DLGAP3: variants seen among roughly 807,000 people sequenced by gnomAD.
DLGAP3 encodes the protein disks large-associated protein 3.
In DLGAP3, 17 loss-of-function variants were observed where a neutral mutation model predicts 81.2. That is an observed-to-expected ratio of 0.21 (90% CI 0.14 to 0.31). The LOEUF is 0.31. Ranked by LOEUF, DLGAP3 falls within the 10% of genes least tolerant of loss-of-function variation. The pLI, the probability that DLGAP3 is intolerant of heterozygous loss-of-function variation, is 1.00. For synonymous variants in DLGAP3, 577 were observed against 587.4 expected, an observed-to-expected ratio of 0.98 and a Z score of 0.26; for missense variants, 1,124 against 1,388.0, an observed-to-expected ratio of 0.81 and a Z score of 3.02.
rs1639225268 is a variant in DLGAP3, at chr1:34,886,199, G to A, written c.1473C>T (p.Asp491=). 1 of 1,611,178 alleles carries A rather than the reference G, an allele frequency of 6.2e-7. No homozygotes were observed. The highest frequency in any genetic ancestry group is 1.3e-5 in the African/African-American group (1 of 74,910). Reference sequence around the variant, plus strand: ...TCCGCATGCGGAAACAGCCGGGCAGGTCCAGGGCGTCCACGGCCTGGGACT... The same window carrying A: ...TCCGCATGCGGAAACAGCCGGGCAGATCCAGGGCGTCCACGGCCTGGGACT... ...ELESQAVDAL[D]LPGCFRMRSH... The change falls in exon 6 of 12, where the codon GAC becomes GAT. Residue 491 remains aspartate, a synonymous_variant. Coordinates refer to ENST00000373347, the MANE Select transcript of DLGAP3 (RefSeq NM_001080418.3).
intron 5 of DLGAP3, among the ~76,000 whole-genome samples, chr1:34,892,957 G>A (rs1391074587): frequency 6.6e-6 from 1 of 151,844 alleles, no homozygotes; most frequent in Non-Finnish European, 1.5e-5. Flanking sequence ...TGGATCATGA[G>A]GTCAGGAGAT....
intron 1 of DLGAP3, among the ~76,000 whole-genome samples, chr1:34,911,022 A>ACCCCCCCCCCCCCCCCCCCCCCCC (rs58074971): frequency 7.6e-6 from 1 of 131,950 alleles, no homozygotes; most frequent in Non-Finnish European, 1.6e-5. Flanking sequence ...GATATTATCC[A>ACCCCCCCCCCCCCCCCCCCCCCCC]CCCCCCCCCC....
At chr1:34,881,200 A>G (rs568863502) in intron 8 of DLGAP3, among the ~76,000 whole-genome samples, 90 of 152,322 alleles carry the variant, frequency 5.9e-4, no homozygotes, top group Non-Finnish European at 1.0e-3. Flanking sequence ...AAAATCTAAT[A>G]CTGTATATAA....
chr1:34,868,697 A>G lies in DLGAP3; in HGVS notation c.2393T>C (p.Phe798Ser). The change falls in exon 9 of 12, where the codon TTC becomes TCC. Residue 798 changes from phenylalanine (F) to serine (S), a missense_variant. Physicochemically the swap from Phe to Ser is radical, Grantham distance 155. Transcript: ENST00000373347. The surrounding 1 kb of genome is among the most constrained non-coding windows in gnomAD (Gnocchi z 7.5). ...CACCTCTGCCCGCAGCATCTTGATG[A>G]ACCACTCGCCGTCGCGTGGGCAGGG... ...ASPCPRDGEW[F>S]IKMLRAEVEK... 6.2e-7 allele frequency: 1 copy of G among 1,611,926 alleles called. No individual in the cohort carries two copies. Among genetic ancestry groups the G allele is most frequent in the Non-Finnish European group, 8.5e-7 (1 of 1,179,996 alleles).
rs1018445241 is a variant in DLGAP3 at position 34,900,657 on chromosome 1, A to C, written c.1108-384T>G. ...ATCCTTTCAACCTGCTTACATTCCA[A>C]ATCCTCTCTCCTTCCCCGCTGTGGG... On this transcript the variant is annotated intron_variant, in intron 3 of 11. Coordinates refer to ENST00000373347, the MANE Select transcript of DLGAP3 (RefSeq NM_001080418.3). This position sits in a 1 kb window ranked among gnomAD's most constrained non-coding sequence, Gnocchi z 5.6. Among the ~76,000 whole-genome samples, 1 of 152,036 alleles carries C rather than the reference A, an allele frequency of 6.6e-6. No homozygotes were observed. The highest frequency in any genetic ancestry group is 2.1e-4 in the South Asian group (1 of 4,814).
Position 34,886,148 on chromosome 1 carries a change from C to A in DLGAP3, c.1524G>T (p.Gln508His). ...MRSHSYLRAI[Q>H]AGCSQDDDCL... ...AGTCGTCGTCTTGAGAGCAGCCGGCCTGGATGGCCCGGAGGTAGCTGTGGC... is the reference window on the plus strand; with the variant it reads ...AGTCGTCGTCTTGAGAGCAGCCGGCATGGATGGCCCGGAGGTAGCTGTGGC... Residue 508 changes from glutamine (Q) to histidine (H), a missense_variant, in exon 6 of 12, where the codon CAG becomes CAT. Around this residue, in one of 9 missense-constraint regions of DLGAP3, gnomAD observed 11 missense variants for 35.2 expected, o/e 0.31. Coordinates refer to ENST00000373347, the MANE Select transcript of DLGAP3 (RefSeq NM_001080418.3). 1.9e-6 allele frequency: 3 copies of A among 1,609,436 alleles called. No homozygotes were observed. Among genetic ancestry groups the A allele is most frequent in the Non-Finnish European group, 1.7e-6 (2 of 1,178,712 alleles).
Position 34,866,278 on chromosome 1 carries a change from C to G in DLGAP3, c.2745G>C (p.Pro915=), listed in dbSNP as rs759540010. 6.5e-7 allele frequency: 1 copy of G among 1,537,772 alleles called. No homozygotes were observed. The highest frequency in any genetic ancestry group is 8.8e-7 in the Non-Finnish European group (1 of 1,142,168). Residue 915 remains proline, a synonymous_variant, in exon 12 of 12, where the codon CCG becomes CCC. Transcript: ENST00000373347. ...EPKEEKKVPP[P]IPKKPLRGRG... ...GGCCCCGCAGGGGCTTCTTTGGTAT[C>G]GGCGGAGGGACCTTCTTCTCCTCCT...
At chr1:34,922,676 T>C (rs888248232) in intron 1 of DLGAP3, among the ~76,000 whole-genome samples, 1 of 152,182 alleles carries the variant, frequency 6.6e-6, no homozygotes, top group African/African-American at 2.4e-5. Context: ...ATACACAGCA[T>C]ACTCACATAT....
Position 34,865,726 on chromosome 1 carries a change from AG to A in DLGAP3, c.*356del, listed in dbSNP as rs957217470. ...GAAGCCCAGCCCCGCGGGGTGGGGG[AG>A]GGGGGGACGCAGAGCCCAGATGAGG... On this transcript the variant is annotated 3_prime_UTR_variant, in exon 12 of 12. Transcript: ENST00000373347. 25 of 312,062 alleles carry A rather than the reference AG, an allele frequency of 8.0e-5. No homozygotes were observed. The highest frequency in any genetic ancestry group is 1.0e-3 in the Middle Eastern group (1 of 984). The allele number at this position is 312,062 out of a possible 1,614,324, so 19.3% of individuals were successfully genotyped here.
intron 5 of DLGAP3, among the ~76,000 whole-genome samples, chr1:34,890,229 T>A (rs12145134): frequency 0.17 from 25,306 of 152,116 alleles, 2,336 homozygotes; most frequent in Middle Eastern, 0.25. Flanking sequence ...AAAATTAGCA[T>A]AAAATAGTTC....
intron 1 of DLGAP3, among the ~76,000 whole-genome samples, chr1:34,915,898 C>T (rs1639710231): frequency 6.6e-6 from 1 of 152,214 alleles, no homozygotes; most frequent in African/African-American, 2.4e-5. Context: ...GTACTCTCTT[C>T]CAAGAGGCCT....
intron 1 of DLGAP3, among the ~76,000 whole-genome samples, chr1:34,922,726 C>T (rs1257667233): frequency 2.0e-5 from 3 of 152,210 alleles, no homozygotes; most frequent in African/African-American, 7.2e-5. Flanking sequence ...CACTCACAGG[C>T]AGAAATACGC....
chr1:34,887,016 G>A (rs1445706470), intron 5 of DLGAP3, among the ~76,000 whole-genome samples: 3 of 140,176 alleles, frequency 2.1e-5, no homozygotes, highest in Non-Finnish European at 3.0e-5. Flanking sequence ...GTGCAGTGGC[G>A]CGATCTCGGC....
At chr1:34,927,431 G>T (rs529183237) in intron 1 of DLGAP3, among the ~76,000 whole-genome samples, 19 of 151,998 alleles carry the variant, frequency 1.3e-4, no homozygotes, top group Non-Finnish European at 2.2e-4. Context: ...CAATACTAAG[G>T]TTCCTCTCCT....
At chr1:34,898,206 G>A (rs1368480029) in intron 5 of DLGAP3, among the ~76,000 whole-genome samples, 1 of 152,198 alleles carries the variant, frequency 6.6e-6, no homozygotes, top group East Asian at 1.9e-4. Context: ...TAAGGAGTAG[G>A]TATAGAGAGA....
At chr1:34,871,374 CCTT>C (rs1213700699) in intron 8 of DLGAP3, among the ~76,000 whole-genome samples, 3 of 152,318 alleles carry the variant, frequency 2.0e-5, no homozygotes, top group South Asian at 2.1e-4. Context: ...TCCATTCCCT[CCTT>C]AAGTCCTGTT....
intron 1 of DLGAP3, among the ~76,000 whole-genome samples, chr1:34,925,146 T>A (rs1423355965): frequency 5.0e-5 from 6 of 119,574 alleles, no homozygotes; most frequent in Non-Finnish European, 9.3e-5. Flanking sequence ...CCCCTGCCCC[T>A]CCCACTGTCG....
chr1:34,871,682 C>T (rs1472229238), intron 8 of DLGAP3, among the ~76,000 whole-genome samples: 4 of 152,240 alleles, frequency 2.6e-5, no homozygotes. Flanking sequence ...GCCACACCTG[C>T]GTGCTTTCCT....
At chr1:34,880,953 A>G (rs1305255098) in intron 8 of DLGAP3, among the ~76,000 whole-genome samples, 1 of 152,202 alleles carries the variant, frequency 6.6e-6, no homozygotes, top group Non-Finnish European at 1.5e-5. Context: ...AGGCATAGAT[A>G]ATTTTATAGG....
Sources: gnomAD v4.1 joint callset for allele counts (sites outside exome capture counted in the v4.1 genomes callset) on GRCh38, gnomAD v4.1.1 for gene constraint, gnomAD v4.1.1 regional missense constraint, Gnocchi (gnomAD v3.1) non-coding constraint, MANE v1.5 for transcripts, NCBI Gene and HGNC (gene_info 2026-07-23, HGNC 2026-07-21) for gene names.